The following SIL1 variants were observed in gnomAD, a reference collection of about 807,000 sequenced individuals.
SIL1 encodes the protein SIL1 nucleotide exchange factor, also known as nucleotide exchange factor SIL1.
SIL1 carries 40 observed loss-of-function variants against 49.1 expected under a neutral mutation model. The observed-to-expected ratio is 0.81, with a 90% confidence interval of 0.63 to 1.06. The LOEUF (loss-of-function observed/expected upper bound fraction) is 1.06. Among genes scored for constraint, SIL1 ranks in the 50% least tolerant of loss-of-function variants. SIL1 has a pLI of 0.00. For synonymous variants in SIL1, 253 were observed against 250.8 expected, an observed-to-expected ratio of 1.01 and a Z score of -0.08; for missense variants, 500 against 572.6, an observed-to-expected ratio of 0.87 and a Z score of 1.29.
chr5:139,158,514 C>T (rs778978932), intron 1 of SIL1, among the ~76,000 whole-genome samples: 10 of 152,166 alleles, frequency 6.6e-5, no homozygotes, highest in Non-Finnish European at 1.3e-4. Context: ...CCAAACCCCT[C>T]GGATTTAGCA....
intron 1 of SIL1, among the ~76,000 whole-genome samples, chr5:139,149,738 G>A (rs1751261145): frequency 6.6e-6 from 1 of 152,114 alleles, no homozygotes; most frequent in Admixed American, 6.5e-5. Flanking sequence ...AATAAGAAAG[G>A]CATCCTAGGC....
intron 5 of SIL1, among the ~76,000 whole-genome samples, chr5:139,040,504 T>C (rs948965656): frequency 2.8e-5 from 4 of 142,580 alleles, no homozygotes; most frequent in African/African-American, 5.3e-5. Context: ...TTTTCTTTTT[T>C]TTTTTTTTTT....
chr5:139,065,366 T>G (rs1405655633), intron 3 of SIL1, among the ~76,000 whole-genome samples: 1 of 152,094 alleles, frequency 6.6e-6, no homozygotes, highest in East Asian at 1.9e-4. Flanking sequence ...GCAGCAAAAC[T>G]GAAGCAAATG....
At chr5:138,987,340 TGGCCTCAATTGATCTACCCACTC>T (rs902003214) in intron 7 of SIL1, among the ~76,000 whole-genome samples, 13 of 152,000 alleles carry the variant, frequency 8.6e-5, no homozygotes, top group African/African-American at 3.1e-4. Flanking sequence ...CTCAAACTCC[TGGCCTCAATTGATCTACCCACTC>T]GGCCTCCCAC....
chr5:139,149,378 C>A (rs1474409254), intron 1 of SIL1, among the ~76,000 whole-genome samples: 1 of 152,268 alleles, frequency 6.6e-6, no homozygotes, highest in East Asian at 1.9e-4. Flanking sequence ...GTTGCCACCC[C>A]AAACACATCC....
At chr5:138,952,919 C>T (rs1206522137) in intron 7 of SIL1, among the ~76,000 whole-genome samples, 1 of 152,268 alleles carries the variant, frequency 6.6e-6, no homozygotes, top group Admixed American at 6.5e-5. Flanking sequence ...GAGCAAGTGT[C>T]AAGCACAGGG....
intron 7 of SIL1, among the ~76,000 whole-genome samples, chr5:138,954,339 A>G (rs537246889): frequency 6.6e-6 from 1 of 152,272 alleles, no homozygotes; most frequent in Non-Finnish European, 1.5e-5. Context: ...TGGGCCAAAC[A>G]TGGGCTGTGA....
At chr5:139,194,480 C>T (rs984912005) in intron 1 of SIL1, among the ~76,000 whole-genome samples, 4 of 152,300 alleles carry the variant, frequency 2.6e-5, no homozygotes, top group South Asian at 2.1e-4. Context: ...CTTTAGTCTA[C>T]GTATAATTAA....
At chr5:139,051,479 G>C (rs1337435487) in intron 3 of SIL1, among the ~76,000 whole-genome samples, 1 of 152,008 alleles carries the variant, frequency 6.6e-6, no homozygotes, top group African/African-American at 2.4e-5. Flanking sequence ...AGTCCCACAG[G>C]GCCCCAGACA....
intron 5 of SIL1, 113 bp downstream of exon 5, chr5:139,042,506 CA>C: frequency 2.2e-6 from 2 of 910,746 alleles, no homozygotes; most frequent in Non-Finnish European, 3.7e-6. Context: ...AATTATTTTA[CA>C]ATATTGTTAT....
chr5:139,117,774 T>C (rs1382314376), intron 3 of SIL1, among the ~76,000 whole-genome samples: 1 of 152,046 alleles, frequency 6.6e-6, no homozygotes, highest in South Asian at 2.1e-4. Context: ...ATGCTGACAG[T>C]AATAACAGGG....
At chr5:139,143,446 C>T (rs552534766) in intron 1 of SIL1, among the ~76,000 whole-genome samples, 1 of 151,688 alleles carries the variant, frequency 6.6e-6, no homozygotes, top group African/African-American at 2.4e-5. Flanking sequence ...TCTAGGCTCA[C>T]TGCAACCTCT....
intron 3 of SIL1, among the ~76,000 whole-genome samples, chr5:139,098,313 G>A (rs895261552): frequency 2.6e-5 from 4 of 152,136 alleles, no homozygotes; most frequent in African/African-American, 9.7e-5. Flanking sequence ...ACTCATTTTT[G>A]ACAAAGGTGC....
At chr5:139,086,992 T>C (rs1346422325) in intron 3 of SIL1, among the ~76,000 whole-genome samples, 4 of 151,676 alleles carry the variant, frequency 2.6e-5, no homozygotes, top group African/African-American at 9.7e-5. Flanking sequence ...ATTATATTTC[T>C]TTTTTTAAAA....
chr5:139,191,319 A>C (rs568286357), intron 1 of SIL1, among the ~76,000 whole-genome samples: 2 of 151,610 alleles, frequency 1.3e-5, no homozygotes, highest in African/African-American at 4.9e-5. Flanking sequence ...TATCCACAGC[A>C]CTCAAAGCAT....
intron 4 of SIL1, among the ~76,000 whole-genome samples, chr5:139,047,319 T>C (rs1769188171): frequency 6.6e-6 from 1 of 152,224 alleles, no homozygotes; most frequent in African/African-American, 2.4e-5. Context: ...GCCAACTACA[T>C]GCAATGAAAT....
At chr5:139,161,072 C>T (rs1349239419) in intron 1 of SIL1, among the ~76,000 whole-genome samples, 1 of 151,732 alleles carries the variant, frequency 6.6e-6, no homozygotes, top group African/African-American at 2.4e-5. Flanking sequence ...GGTGAAACCT[C>T]GTCTCTACTA....
chr5:139,046,291 C>A (rs1252995326), intron 4 of SIL1, among the ~76,000 whole-genome samples: 1 of 152,030 alleles, frequency 6.6e-6, no homozygotes, highest in Non-Finnish European at 1.5e-5. Context: ...GGTGCCACTG[C>A]ACTCCAGCCT....
intron 3 of SIL1, among the ~76,000 whole-genome samples, chr5:139,115,043 G>A (rs1770958433): frequency 6.6e-6 from 1 of 152,142 alleles, no homozygotes; most frequent in Admixed American, 6.5e-5. Flanking sequence ...ACATGTGTGT[G>A]CATGTCTATG....
Sources: allele counts gnomAD v4.1 joint callset (sites outside exome capture counted in the v4.1 genomes callset), GRCh38; gene constraint gnomAD v4.1.1; transcripts MANE v1.5; gene names NCBI Gene and HGNC (gene_info 2026-07-23, HGNC 2026-07-21).